The following LDAH variants were observed in gnomAD, a reference collection of about 807,000 sequenced individuals.
The protein encoded by LDAH is lipid droplet associated hydrolase, also known as lipid droplet-associated hydrolase.
LDAH carries 26 observed loss-of-function variants against 29.6 expected under a neutral mutation model. The observed-to-expected ratio is 0.88, with a 90% CI of 0.64 to 1.22. The LOEUF (loss-of-function observed/expected upper bound fraction) is 1.22. Among genes scored for constraint, LDAH ranks in the 50% most tolerant of loss-of-function variants. The pLI, the probability that LDAH is intolerant of heterozygous loss-of-function variation, is 0.00. For synonymous variants in LDAH, 117 were observed against 133.0 expected (o/e 0.88, Z 0.83); for missense variants, 344 against 387.3 (o/e 0.89, Z 0.94).
chr2:20,786,037 T>C (rs1284126437), intron 3 of LDAH, among the ~76,000 whole-genome samples: 1 of 152,224 alleles, frequency 6.6e-6, no homozygotes, highest in African/African-American at 2.4e-5. Context: ...TTGCTTTGTC[T>C]CTTCAGACTG....
intron 3 of LDAH, among the ~76,000 whole-genome samples, chr2:20,780,994 T>C (rs1356308618): frequency 6.6e-6 from 1 of 152,148 alleles, no homozygotes; most frequent in East Asian, 1.9e-4. Flanking sequence ...GTGAGAGTAG[T>C]TTATTGTTTC....
At chr2:20,719,810 C>T (rs1665514639) in intron 5 of LDAH, among the ~76,000 whole-genome samples, 1 of 152,076 alleles carries the variant, frequency 6.6e-6, no homozygotes, top group Non-Finnish European at 1.5e-5. Flanking sequence ...AAGGATGGTT[C>T]AGCATACACA....
At chr2:20,720,999 A>T (rs1665608924) in intron 5 of LDAH, among the ~76,000 whole-genome samples, 1 of 152,174 alleles carries the variant, frequency 6.6e-6, no homozygotes, top group Non-Finnish European at 1.5e-5. Flanking sequence ...TGGATTAAAG[A>T]CTTTAATAGG....
intron 3 of LDAH, among the ~76,000 whole-genome samples, chr2:20,783,897 GAGT>G (rs935776507): frequency 3.2e-4 from 48 of 152,142 alleles, no homozygotes; most frequent in African/African-American, 1.1e-3. Flanking sequence ...TTTTTCTGTA[GAGT>G]TGGAGTTTCA....
intron 4 of LDAH, among the ~76,000 whole-genome samples, chr2:20,750,405 C>T (rs1398572263): frequency 6.6e-6 from 1 of 152,190 alleles, no homozygotes; most frequent in East Asian, 1.9e-4. Context: ...CTCTTAACTT[C>T]CCTAATGGGA....
chr2:20,738,242 A>C (rs1447720885), intron 5 of LDAH, among the ~76,000 whole-genome samples: 3 of 141,320 alleles, frequency 2.1e-5, no homozygotes, highest in African/African-American at 5.8e-5. Flanking sequence ...ACAGAGTGAG[A>C]TTCCATCTCA....
intron 5 of LDAH, among the ~76,000 whole-genome samples, chr2:20,712,337 T>C (rs1233312954): frequency 6.6e-6 from 1 of 152,120 alleles, no homozygotes; most frequent in African/African-American, 2.4e-5. Flanking sequence ...AGGAATAGCA[T>C]CAACATCAAC....
In LDAH at chr2:20,686,555, T is replaced by C; in HGVS notation, c.*348A>G. ...CTCCAGAGGAGCCTATTCTACAATG[T>C]AACTCAATTAAAATCAAGTACATGT... is the stretch of plus-strand genomic sequence containing the variant. On this transcript the variant is annotated 3_prime_UTR_variant, in exon 7 of 7. Coordinates refer to ENST00000237822, the MANE Select transcript of LDAH (RefSeq NM_021925.4). The C allele has an allele frequency of 5.6e-6, 1 of 177,664 alleles. No homozygotes were observed. The allele number at this position is 177,664 out of a possible 1,614,324, so 11.0% of individuals were successfully genotyped here. A position where few individuals can be genotyped will look rare whatever the true frequency, so the allele number is the denominator to read the frequency against.
chr2:20,708,581 A>C (rs1055045260), intron 5 of LDAH, among the ~76,000 whole-genome samples: 1 of 152,224 alleles, frequency 6.6e-6, no homozygotes, highest in Non-Finnish European at 1.5e-5. Context: ...AAAGATAATA[A>C]AATTAATAAA....
At chr2:20,755,683 A>G (rs1277892109) in intron 4 of LDAH, among the ~76,000 whole-genome samples, 1 of 152,182 alleles carries the variant, frequency 6.6e-6, no homozygotes, top group Non-Finnish European at 1.5e-5. Context: ...TTCTGTGTAG[A>G]AATAGAAGAA....
At chr2:20,809,044 G>A (rs1672287974) in intron 1 of LDAH, among the ~76,000 whole-genome samples, 1 of 152,038 alleles carries the variant, frequency 6.6e-6, no homozygotes, top group South Asian at 2.1e-4. Flanking sequence ...ATACCTTTAT[G>A]AGCTTAGGGT....
At chr2:20,819,018 T>C (rs1160656344) in intron 1 of LDAH, among the ~76,000 whole-genome samples, 1 of 152,178 alleles carries the variant, frequency 6.6e-6, no homozygotes, top group Non-Finnish European at 1.5e-5. Context: ...TTTTCTTAAA[T>C]CTGTGCAAGT....
chr2:20,715,701 A>G (rs1339853668), intron 5 of LDAH, among the ~76,000 whole-genome samples: 2 of 152,238 alleles, frequency 1.3e-5, no homozygotes, highest in African/African-American at 4.8e-5. Flanking sequence ...TACAAAATCA[A>G]TGTGCAAAAA....
intron 6 of LDAH, among the ~76,000 whole-genome samples, chr2:20,695,252 T>C (rs1663354242): frequency 6.6e-6 from 1 of 152,164 alleles, no homozygotes; most frequent in African/African-American, 2.4e-5. Flanking sequence ...CATTGGGCAT[T>C]CCGGGGTCTC....
intron 6 of LDAH, among the ~76,000 whole-genome samples, chr2:20,699,291 C>T (rs1258432254): frequency 6.6e-6 from 1 of 152,052 alleles, no homozygotes; most frequent in Non-Finnish European, 1.5e-5. Flanking sequence ...TATTTCTAAT[C>T]CCGGGCATTG....
In LDAH at chr2:20,686,946, T is replaced by A. The variant is rs147773589; in HGVS notation, c.935A>T (p.Asp312Val). The A allele has an allele frequency of 3.1e-6, 5 of 1,614,094 alleles. No homozygotes were observed. In the South Asian group the frequency reaches 5.5e-5, roughly 18 times the overall value. The change falls in exon 7 of 7, where the codon GAC becomes GTC. Residue 312 changes from aspartate to valine, a missense_variant. Physicochemically the swap from Asp to Val is radical, Grantham distance 152. Coordinates refer to ENST00000237822, the MANE Select transcript of LDAH (RefSeq NM_021925.4). Reference sequence around the variant, plus strand: ...ATCCTTTAGGGAGTCAGCAATCATGTCTGCCATTTCCTGGTTAAAATGGGT... The same window carrying A: ...ATCCTTTAGGGAGTCAGCAATCATGACTGCCATTTCCTGGTTAAAATGGGT... ...FITHFNQEMADMIADSLKDDL... is the reference protein window; with the variant it reads ...FITHFNQEMAVMIADSLKDDL...
intron 6 of LDAH, among the ~76,000 whole-genome samples, chr2:20,695,811 A>G (rs766361297): frequency 6.6e-6 from 1 of 152,194 alleles, no homozygotes; most frequent in Non-Finnish European, 1.5e-5. Flanking sequence ...GAATAGCTGT[A>G]TGAGGCTACA....
chr2:20,774,225 C>A (rs1669631916), intron 4 of LDAH, among the ~76,000 whole-genome samples: 1 of 152,136 alleles, frequency 6.6e-6, no homozygotes, highest in Non-Finnish European at 1.5e-5. Flanking sequence ...TTAAATAGGT[C>A]TTTGCGTCTC....
At chr2:20,788,451 T>C (rs991240294) in intron 3 of LDAH, among the ~76,000 whole-genome samples, 1 of 152,198 alleles carries the variant, frequency 6.6e-6, no homozygotes, top group Non-Finnish European at 1.5e-5. Flanking sequence ...GAGATTACAA[T>C]TAAAAATAAA....
Sources: gnomAD v4.1 joint callset for allele counts (sites outside exome capture counted in the v4.1 genomes callset) on GRCh38, gnomAD v4.1.1 for gene constraint, MANE v1.5 for transcripts, NCBI Gene and HGNC (gene_info 2026-07-23, HGNC 2026-07-21) for gene names.